The following GRAMD4 variants were observed in gnomAD, a reference collection of about 807,000 sequenced individuals.
The protein encoded by GRAMD4 is GRAM domain-containing protein 4.
In GRAMD4, 25 loss-of-function variants were observed where a neutral mutation model predicts 83.9. That is an observed-to-expected ratio of 0.30 (90% CI 0.22 to 0.42). The LOEUF is 0.42. Among genes scored for constraint, GRAMD4 ranks in the 10% least tolerant of loss-of-function variants. GRAMD4 has a pLI of 1.00. For missense variants in GRAMD4, 593 were observed against 788.7 expected (o/e 0.75, Z 2.97); for synonymous variants, 336 against 320.9 (o/e 1.05, Z -0.50).
exon 1 of GRAMD4, chr22:46,620,382 TGGTGCACA>T: frequency 6.1e-6 from 6 of 985,346 alleles, no homozygotes; most frequent in Non-Finnish European, 7.2e-6. The surrounding 1 kb of genome is among the most constrained non-coding windows in gnomAD (Gnocchi z 4.7). Context: ...TGCCCTGCTC[TGGTGCACA>T]GGACTGGAGT....
intron 1 of GRAMD4, among the ~76,000 whole-genome samples, chr22:46,580,091 G>A (rs1005111791): frequency 2.6e-5 from 4 of 152,324 alleles, no homozygotes; most frequent in East Asian, 1.9e-4. Context: ...CAGAAAGCCC[G>A]GGGCAGCAGG....
At chr22:46,673,064 C>G (rs1366075047) in intron 14 of GRAMD4, 67 bp downstream of exon 14, 4 of 1,308,280 alleles carry the variant, frequency 3.1e-6, no homozygotes, top group Non-Finnish European at 3.1e-6. Context: ...TCCCCAGGCC[C>G]ACAGTGCTCT....
At chr22:46,656,534 T>C (rs2082247320) in intron 3 of GRAMD4, among the ~76,000 whole-genome samples, 3 of 152,182 alleles carry the variant, frequency 2.0e-5, no homozygotes, top group Admixed American at 6.5e-5. Context: ...TTTTGGAGTC[T>C]TAGGTATGGC....
chr22:46,610,235 C>T (rs983416423), intron 1 of GRAMD4, among the ~76,000 whole-genome samples: 17 of 152,222 alleles, frequency 1.1e-4, no homozygotes, highest in Admixed American at 1.3e-4. Flanking sequence ...TAAAGGAGCA[C>T]GTGCGTGCCT....
chr22:46,607,283 G>A (rs774376738), intron 1 of GRAMD4, among the ~76,000 whole-genome samples: 8 of 152,134 alleles, frequency 5.3e-5, no homozygotes, highest in African/African-American at 1.4e-4. Context: ...AACATGGCAC[G>A]TGCATACCTA....
In GRAMD4 at chr22:46,659,177, C is replaced by A. The variant is rs572806040; in HGVS notation, c.404+870C>A. ...CACTCCAGCAACCTCCTGCTTCGGC[C>A]TCCCTCTCAGCCTCCACTCCAGCAG... On this transcript the variant is annotated intron_variant, in intron 4 of 18. Transcript: ENST00000406902. The surrounding 1 kb of genome is among the most constrained non-coding windows in gnomAD (Gnocchi z 4.1). Among the ~76,000 whole-genome samples, 80 of 152,212 alleles carry A rather than the reference C, an allele frequency of 5.3e-4. No individual in the cohort carries two copies. The highest frequency in any genetic ancestry group is 2.7e-3 in the Admixed American group (41 of 15,296).
intron 1 of GRAMD4, among the ~76,000 whole-genome samples, chr22:46,585,194 T>TTTC (rs1491579387): frequency 1.1e-4 from 11 of 98,606 alleles, no homozygotes; most frequent in Non-Finnish European, 2.5e-4. Context: ...TCTTTCTTTC[T>TTTC]TTTTTTTTTT....
At chr22:46,655,027 TGGGGAAGTCACTC>T (rs986532815) in intron 3 of GRAMD4, among the ~76,000 whole-genome samples, 1 of 151,904 alleles carries the variant, frequency 6.6e-6, no homozygotes, top group African/African-American at 2.4e-5. Flanking sequence ...GGGGGGCTGT[TGGGGAAGTCACTC>T]GGGGAAGTGG....
At chr22:46,638,928 TCTGGGTGCC>T (rs2081931478) in intron 3 of GRAMD4, among the ~76,000 whole-genome samples, 1 of 152,316 alleles carries the variant, frequency 6.6e-6, no homozygotes. Flanking sequence ...AGGATTGTCA[TCTGGGTGCC>T]CTGTCCTTGG....
chr22:46,673,884 G>GTGGA, intron 15 of GRAMD4, 70 bp downstream of exon 15: 2 of 1,537,420 alleles, frequency 1.3e-6, no homozygotes, highest in Non-Finnish European at 1.8e-6. Flanking sequence ...GGGGGGCGCT[G>GTGGA]TGGATGCAGG....
upstream of GRAMD4, among the ~76,000 whole-genome samples, chr22:46,615,476 T>TAAGC (rs2081469045): frequency 1.4e-5 from 2 of 143,700 alleles, no homozygotes; most frequent in Non-Finnish European, 3.0e-5. Flanking sequence ...GGTTCCCCCT[T>TAAGC]GTGTAGGTTC....
At chr22:46,682,457 T>C, downstream of GRAMD4, 1 of 984,406 alleles carries the variant, frequency 1.0e-6, no homozygotes, top group Non-Finnish European at 1.2e-6. Context: ...ACAAAATGAG[T>C]CAGGGGAGGC....
At chr22:46,674,363 C>T (rs770340139) in intron 15 of GRAMD4, among the ~76,000 whole-genome samples, 167 of 152,280 alleles carry the variant, frequency 1.1e-3, no homozygotes, top group Non-Finnish European at 2.0e-3. Flanking sequence ...GCGCCCTGAC[C>T]CTGCCGGTCT....
Position 46,626,937 on chromosome 22 carries a change from G to A in GRAMD4, c.138G>A (p.Arg46=), listed in dbSNP as rs760796802. ...TGAAGGTACCGCGGACCTCGCCCCGGGACAGCGAGGAGCTGAGGGACCCTG... is the reference window on the plus strand; with the variant it reads ...TGAAGGTACCGCGGACCTCGCCCCGAGACAGCGAGGAGCTGAGGGACCCTG... ...IPLKVPRTSP[R]DSEELRDPAG... is the part of the protein sequence containing the mutation. Residue 46 remains arginine, a synonymous_variant, in exon 2 of 19, where the codon CGG becomes CGA. Coordinates refer to ENST00000406902, the MANE Select transcript of GRAMD4 (RefSeq NM_015124.5). The A allele has an allele frequency of 4.3e-6, 7 of 1,613,820 alleles. No homozygotes were observed. The Admixed American group carries it at 1.0e-4, about 23-fold the overall frequency.
At chr22:46,576,440 A>C (rs1014095919), upstream of GRAMD4, among the ~76,000 whole-genome samples, 8 of 152,078 alleles carry the variant, frequency 5.3e-5, no homozygotes, top group African/African-American at 1.9e-4. Flanking sequence ...GGTCCCCTCT[A>C]CGGGTGTCCT....
At chr22:46,680,560 GTCCGTCCATCCA>G (rs2082656028), downstream of GRAMD4, among the ~76,000 whole-genome samples, 2 of 42,366 alleles carry the variant, frequency 4.7e-5, no homozygotes, top group African/African-American at 9.8e-5. Context: ...CCGTCCGTCC[GTCCGTCCATCCA>G]TCCATCCATC....
chr22:46,622,651 C>T lies in GRAMD4; in HGVS notation c.-50+2086C>T, dbSNP rs920999331. Among the ~76,000 whole-genome samples, 8 of 152,126 alleles carry T rather than the reference C, an allele frequency of 5.3e-5. No homozygotes were observed. Among genetic ancestry groups the T allele is most frequent in the African/African-American group, 1.9e-4 (8 of 41,438 alleles). ...AAGTTGGGCTGAGCACGGCGGCTCA[C>T]GCCTGTAATCCCAGCACTTTGGGAG... On this transcript the variant is annotated intron_variant, in intron 1 of 18. Transcript: ENST00000406902. The surrounding 1 kb of genome is among the most constrained non-coding windows in gnomAD (Gnocchi z 4.0).
At chr22:46,593,350 C>G (rs985778734) in intron 1 of GRAMD4, among the ~76,000 whole-genome samples, 1 of 152,044 alleles carries the variant, frequency 6.6e-6, no homozygotes, top group African/African-American at 2.4e-5. Context: ...GAGAGACATC[C>G]CCATTTCTGC....
At chr22:46,644,697 G>GTTTTTTTTTTTTTTTTTT (rs71192437) in intron 3 of GRAMD4, among the ~76,000 whole-genome samples, 1 of 97,368 alleles carries the variant, frequency 1.0e-5, no homozygotes, top group East Asian at 3.1e-4. Flanking sequence ...CTTGTTCCCT[G>GTTTTTTTTTTTTTTTTTT]TTTTTTTTTT....
Sources: allele counts gnomAD v4.1 joint callset (sites outside exome capture counted in the v4.1 genomes callset), GRCh38; gene constraint gnomAD v4.1.1; non-coding constraint Gnocchi (gnomAD v3.1); transcripts MANE v1.5; gene names NCBI Gene and HGNC (gene_info 2026-07-23, HGNC 2026-07-21).